INPP4A: variants seen among roughly 807,000 people sequenced by gnomAD.
INPP4A encodes the protein inositol polyphosphate-4-phosphatase, type I, 107kD.
Under a neutral mutation model 119.8 loss-of-function variants are expected in INPP4A, and 33 were observed. The observed-to-expected ratio is 0.28, with a 90% CI of 0.21 to 0.37. INPP4A has a LOEUF of 0.37. Among genes scored for constraint, INPP4A ranks in the 10% least tolerant of loss-of-function variants. INPP4A has a pLI of 1.00. For synonymous variants in INPP4A, 496 were observed against 500.7 expected (o/e 0.99, Z 0.12); for missense variants, 956 against 1,289.9 (o/e 0.74, Z 3.97).
intron 1 of INPP4A, among the ~76,000 whole-genome samples, chr2:98,514,287 G>A (rs1173447291): frequency 1.3e-5 from 2 of 152,212 alleles, no homozygotes; most frequent in African/African-American, 4.8e-5. Context: ...GAGAGGGGGT[G>A]TGGTATTGTG....
At chr2:98,539,009 T>A in intron 9 of INPP4A, 28 bp downstream of exon 9, 1 of 1,444,496 alleles carries the variant, frequency 6.9e-7, no homozygotes, top group Non-Finnish European at 9.7e-7. Flanking sequence ...TTGGTATTCT[T>A]GCCTCTCTAG....
rs1010566260 is a variant in INPP4A, at chr2:98,479,390, G to A, written c.-166+34305G>A. Among the ~76,000 whole-genome samples, 3 of 152,284 alleles carry A rather than the reference G, an allele frequency of 2.0e-5. No homozygotes were observed. The South Asian group carries it at 6.2e-4, about 32-fold the overall frequency. On this transcript the variant is annotated intron_variant, in intron 1 of 24. Transcript: ENST00000409851. ...GAGCAAGGTGTCTTAGAAGCCAGGC[G>A]CTGACTGCTCTATCATAATTAGAAG...
intron 6 of INPP4A, 96 bp from the exon 7 acceptor site, chr2:98,536,033 G>A: frequency 1.3e-6 from 1 of 798,050 alleles, no homozygotes; most frequent in Non-Finnish European, 2.1e-6. Context: ...AAGAGGTGTT[G>A]TGGGAAGCAG....
intron 24 of INPP4A, among the ~76,000 whole-genome samples, 190 bp from the exon 25 acceptor site, chr2:98,587,284 CTG>C (rs1700051685): frequency 6.6e-6 from 1 of 152,212 alleles, no homozygotes; most frequent in South Asian, 2.1e-4. Flanking sequence ...GTGTCCATCT[CTG>C]TGCTTCTTAA....
intron 1 of INPP4A, among the ~76,000 whole-genome samples, chr2:98,509,933 G>A (rs1177057110): frequency 6.6e-6 from 1 of 152,222 alleles, no homozygotes; most frequent in Non-Finnish European, 1.5e-5. Flanking sequence ...CATAAAAGAA[G>A]TGAGGGAATT....
intron 1 of INPP4A, among the ~76,000 whole-genome samples, chr2:98,477,148 C>G (rs1468023648): frequency 1.3e-5 from 2 of 152,244 alleles, no homozygotes; most frequent in Non-Finnish European, 2.9e-5. Context: ...ATTTCAGGAG[C>G]AGGAGACTGA....
chr2:98,518,305 C>T (rs1375062297), intron 1 of INPP4A, among the ~76,000 whole-genome samples: 2 of 152,242 alleles, frequency 1.3e-5, no homozygotes. Flanking sequence ...CCCTGGGCAC[C>T]CCTAGTGGGA....
intron 7 of INPP4A, among the ~76,000 whole-genome samples, chr2:98,537,480 G>A (rs577406587): frequency 6.6e-6 from 1 of 152,326 alleles, no homozygotes; most frequent in South Asian, 2.1e-4. Flanking sequence ...AAGGGCCCAG[G>A]GCCAGAACAA....
At chr2:98,470,321 G>C (rs1210572834) in intron 1 of INPP4A, among the ~76,000 whole-genome samples, 1 of 152,238 alleles carries the variant, frequency 6.6e-6, no homozygotes, top group Non-Finnish European at 1.5e-5. Flanking sequence ...GGCTGACCCA[G>C]TGCACGTGCA....
intron 1 of INPP4A, among the ~76,000 whole-genome samples, chr2:98,460,103 G>A (rs1405311607): frequency 7.3e-5 from 3 of 41,220 alleles, no homozygotes; most frequent in Admixed American, 5.2e-4. Context: ...TGGTCATCGT[G>A]TGTGTGTGTG....
At chr2:98,581,594 A>G (rs565878532) in intron 24 of INPP4A, 2 of 1,550,648 alleles carry the variant, frequency 1.3e-6, no homozygotes, top group African/African-American at 2.7e-5. Flanking sequence ...CACGGGAGGT[A>G]GTCACCCAGA....
intron 1 of INPP4A, among the ~76,000 whole-genome samples, chr2:98,477,689 T>C (rs1026194008): frequency 6.6e-6 from 1 of 152,222 alleles, no homozygotes; most frequent in African/African-American, 2.4e-5. Flanking sequence ...CTATCCTTGT[T>C]CAACCCAGAG....
chr2:98,472,599 A>C (rs1263806270), intron 1 of INPP4A, among the ~76,000 whole-genome samples: 1 of 152,214 alleles, frequency 6.6e-6, no homozygotes, highest in African/African-American at 2.4e-5. Context: ...TGACTTCCTG[A>C]GGGAGAGGCC....
rs1338623436 is a variant in INPP4A, at chr2:98,590,964, G to A, written c.*3356G>A. 4.3e-6 allele frequency: 1 copy of A among 231,054 alleles called. No homozygotes were observed. The highest frequency in any genetic ancestry group is 8.6e-6 in the Non-Finnish European group (1 of 116,840). 14.3% of individuals were successfully genotyped at this position (231,054 alleles called of 1,614,324 possible). A position where few individuals can be genotyped will look rare whatever the true frequency, so the allele number is the denominator to read the frequency against. On this transcript the variant is annotated 3_prime_UTR_variant, in exon 25 of 25. Coordinates refer to ENST00000409851, the MANE Select transcript of INPP4A (RefSeq NM_001134225.2). The stretch of plus-strand genomic sequence containing the variant: ...ATACCTTTATGATATTTCTATGTTT[G>A]TGACTTCATTGGAATGTTGATCTAT...
chr2:98,446,864 AT>A (rs893667443), intron 1 of INPP4A, among the ~76,000 whole-genome samples: 2 of 152,182 alleles, frequency 1.3e-5, no homozygotes, highest in Non-Finnish European at 2.9e-5. Flanking sequence ...TTAAAAAAAA[AT>A]CACTTTAAGG....
rs75494740 is a variant in INPP4A, at chr2:98,465,854, C to T, written c.-166+20769C>T. Among the ~76,000 whole-genome samples, 540 of 152,198 alleles carry T rather than the reference C, an allele frequency of 3.5e-3. 3 individuals carry two copies. The highest frequency in any genetic ancestry group is 0.01 in the East Asian group (53 of 5,180). On this transcript the variant is annotated intron_variant, in intron 1 of 24. Transcript: ENST00000409851. ...CCTCCCGGCTCCACCCTGGTTTCGG[C>T]GCAGTACTTGAGCAGACGGTGGCTT... is the stretch of plus-strand genomic sequence containing the variant.
At chr2:98,480,488 A>G (rs1312576859) in intron 1 of INPP4A, among the ~76,000 whole-genome samples, 1 of 152,170 alleles carries the variant, frequency 6.6e-6, no homozygotes, top group Non-Finnish European at 1.5e-5. Context: ...TGTAGAAAGG[A>G]CTGTCGTCAT....
At chr2:98,478,104 G>A (rs80036420) in intron 1 of INPP4A, among the ~76,000 whole-genome samples, 166 of 152,340 alleles carry the variant, frequency 1.1e-3, no homozygotes, top group African/African-American at 3.8e-3. Flanking sequence ...CCCTAAAATA[G>A]GATGTGCTAT....
intron 1 of INPP4A, among the ~76,000 whole-genome samples, chr2:98,468,525 C>T (rs970668492): frequency 1.3e-5 from 2 of 152,088 alleles, no homozygotes; most frequent in African/African-American, 2.4e-5. Flanking sequence ...AGGTATGAGC[C>T]ACCATGTATG....
Sources: allele counts gnomAD v4.1 joint callset (sites outside exome capture counted in the v4.1 genomes callset), GRCh38; gene constraint gnomAD v4.1.1; transcripts MANE v1.5; gene names NCBI Gene and HGNC (gene_info 2026-07-23, HGNC 2026-07-21).